UBR4: variants seen among roughly 807,000 people sequenced by gnomAD.
The protein encoded by UBR4 is ubiquitin protein ligase E3 component n-recognin 4, also known as E3 ubiquitin-protein ligase UBR4.
Under a neutral mutation model 575.6 loss-of-function variants are expected in UBR4, and 124 were observed. The observed-to-expected ratio is 0.22, with a 90% confidence interval of 0.19 to 0.25. The LOEUF (loss-of-function observed/expected upper bound fraction) is 0.25. Ranked by LOEUF, UBR4 falls within the 10% of genes least tolerant of loss-of-function variation. The pLI is 1.00. For synonymous variants in UBR4, 2,455 were observed against 2,473.7 expected, an observed-to-expected ratio of 0.99 and a Z score of 0.22; for missense variants, 4,818 against 6,478.8, an observed-to-expected ratio of 0.74 and a Z score of 8.80.
In UBR4 at chr1:19,081,503, C is replaced by G. The variant is rs770422497; in HGVS notation, c.15079G>C (p.Glu5027Gln). 2 of 1,613,974 alleles carry G rather than the reference C, an allele frequency of 1.2e-6. No homozygotes were observed. The highest frequency in any genetic ancestry group is 1.7e-6 in the Non-Finnish European group (2 of 1,180,004). The change falls in exon 103 of 106, where the codon GAG becomes CAG. Residue 5027 changes from glutamate to glutamine, a missense_variant. Transcript: ENST00000375254. ...FLEQPKEKWV[E>Q]SAFEVDGPYY... ...GGCCCGTCCACTTCAAAGGCACTCT[C>G]CACCCACTTCTCCTTGGGCTGTTCC...
chr1:19,190,293 A>AG (rs1491407067), intron 11 of UBR4, among the ~76,000 whole-genome samples: 1 of 80,486 alleles, frequency 1.2e-5, no homozygotes, highest in African/African-American at 6.0e-5. Context: ...ACTCTGCCTC[A>AG]AAAAAAAAAA....
At position 19,126,587 on chromosome 1, in the gene UBR4, C is replaced by T. The variant is rs777828642; in HGVS notation, c.9297G>A (p.Leu3099=). 1 of 1,614,186 alleles carries T rather than the reference C, an allele frequency of 6.2e-7. No individual in the cohort carries two copies. Among genetic ancestry groups the T allele is most frequent in the Non-Finnish European group, 8.5e-7 (1 of 1,180,032 alleles). The change falls in exon 64 of 106, where the codon CTG becomes CTA. Residue 3099 remains leucine, a synonymous_variant. Coordinates refer to ENST00000375254, the MANE Select transcript of UBR4 (RefSeq NM_020765.3). The part of the protein sequence containing the change: ...LLSSGAVDYC[L]HVLKSLLEYW... ...ATTCCAGCAGTGATTTGAGCACGTG[C>T]AGGCAGTAGTCCACAGCCCCAGAGC...
At chr1:19,077,182 C>G (rs1013730742) in intron 104 of UBR4, among the ~76,000 whole-genome samples, 10 of 152,204 alleles carry the variant, frequency 6.6e-5, no homozygotes, top group African/African-American at 2.2e-4. Context: ...TTCGCATTCC[C>G]CAGAGCAAAG....
At chr1:19,132,605 TAAAAAAA>T in intron 60 of UBR4, among the ~76,000 whole-genome samples, 16 of 24,136 alleles carry the variant, frequency 6.6e-4, no homozygotes, top group African/African-American at 3.4e-3. Context: ...TAAAAAATGG[TAAAAAAA>T]AAAAAAAAAA....
intron 99 of UBR4, 86 bp downstream of exon 99, chr1:19,087,730 C>A (rs976231834): frequency 1.8e-6 from 2 of 1,103,746 alleles, no homozygotes; most frequent in Non-Finnish European, 2.7e-6. Context: ...TAGCTAAGAA[C>A]AAAATGGCCT....
At position 19,106,896 on chromosome 1, in the gene UBR4, C is replaced by A. The variant is rs1264973307; in HGVS notation, c.12176G>T (p.Trp4059Leu). 6.2e-7 allele frequency: 1 copy of A among 1,613,598 alleles called. No homozygotes were observed. Among genetic ancestry groups the A allele is most frequent in the Non-Finnish European group, 8.5e-7 (1 of 1,179,998 alleles). ...GGATGCCTTGGGGTCTCTCTTGAGCCACAGTTGAGCCTGGGCATGGATCTC... is the reference window on the plus strand; with the variant it reads ...GGATGCCTTGGGGTCTCTCTTGAGCAACAGTTGAGCCTGGGCATGGATCTC... ...CNEIHAQAQL[W>L]LKRDPKASYD... Residue 4059 changes from tryptophan (W) to leucine (L), a missense_variant, in exon 82 of 106, where the codon TGG becomes TTG. By Grantham distance (61) the Trp-to-Leu change is moderately conservative. Coordinates refer to ENST00000375254, the MANE Select transcript of UBR4 (RefSeq NM_020765.3).
chr1:19,190,312 A>AAAAAAAAAAAAAAAATATATATATAT, intron 11 of UBR4, among the ~76,000 whole-genome samples: 1 of 79,910 alleles, frequency 1.3e-5, no homozygotes, highest in Non-Finnish European at 2.3e-5. Context: ...AAAAAAAAAA[A>AAAAAAAAAAAAAAAATATATATATAT]ATATATATAT....
In UBR4 at chr1:19,106,952, C is replaced by T. The variant is rs754889007; in HGVS notation, c.12120G>A (p.Glu4040=). ...AGTATGGCTTCACCGTGGTGAGGGC[C>T]TCAACGGGGACATCCTGGAGGAGGC... ...TSKKNKDVPV[E]ALTTVKPYCN... is the part of the protein sequence containing the mutation. Residue 4040 remains glutamate, a synonymous_variant, in exon 82 of 106, where the codon GAG becomes GAA. Transcript: ENST00000375254. 6.2e-7 allele frequency: 1 copy of T among 1,612,240 alleles called. No homozygotes were observed. Among genetic ancestry groups the T allele is most frequent in the Admixed American group, 1.7e-5 (1 of 60,002 alleles).
At chr1:19,179,664 G>A (rs1350992760) in intron 17 of UBR4, among the ~76,000 whole-genome samples, 1 of 152,220 alleles carries the variant, frequency 6.6e-6, no homozygotes, top group South Asian at 2.1e-4. Flanking sequence ...GAGATCCGCA[G>A]TATTCGCAGA....
chr1:19,115,406 G>A lies in UBR4; in HGVS notation c.11055C>T (p.His3685=). The A allele has an allele frequency of 1.2e-6, 2 of 1,614,054 alleles. No individual in the cohort carries two copies. The highest frequency in any genetic ancestry group is 1.7e-6 in the Non-Finnish European group (2 of 1,179,954). ...GNCGENVYQC[H]KCRSINYDEK... The stretch of plus-strand genomic sequence containing the variant: ...GATGACCAATGACTTACCTGCATTT[G>A]TGACACTGGTACACATTCTCTCCAC... Residue 3685 remains histidine (H), a synonymous_variant, in exon 74 of 106, where the codon CAC becomes CAT. Transcript: ENST00000375254.
At chr1:19,179,939 T>C (rs1207773804) in intron 17 of UBR4, among the ~76,000 whole-genome samples, 2 of 152,228 alleles carry the variant, frequency 1.3e-5, no homozygotes, top group Admixed American at 1.3e-4. Flanking sequence ...AATTAAATTA[T>C]ATTTTTATAC....
intron 49 of UBR4, chr1:19,149,697 C>T: frequency 8.0e-7 from 1 of 1,246,004 alleles, no homozygotes; most frequent in South Asian, 1.3e-5. Context: ...CAAAGCCACA[C>T]CATTGGTTAC....
In UBR4 at chr1:19,185,187, A is replaced by G; in HGVS notation, c.1850T>C (p.Leu617Pro). ...APPPPPPPPP[L>P]ESSPRVKSPS... ...GCTTTTAACCCGAGGAGAGCTTTCC[A>G]GTGGAGGAGGTGGGGGAGGAGGCGG... The change falls in exon 15 of 106, where the codon CTG becomes CCG. Residue 617 changes from leucine (L) to proline (P), a missense_variant. Leu to Pro is a moderately conservative substitution (Grantham distance 98). Transcript: ENST00000375254. 1.2e-6 allele frequency: 2 copies of G among 1,614,052 alleles called. No homozygotes were observed. The highest frequency in any genetic ancestry group is 8.5e-7 in the Non-Finnish European group (1 of 1,179,988).
intron 17 of UBR4, among the ~76,000 whole-genome samples, chr1:19,180,746 A>G (rs1003291548): frequency 6.6e-6 from 1 of 152,004 alleles, no homozygotes; most frequent in Non-Finnish European, 1.5e-5. Flanking sequence ...TCAGTTTTTC[A>G]GTCCTCAGAG....
intron 94 of UBR4, 79 bp downstream of exon 94, chr1:19,094,827 A>G (rs1427517633): frequency 1.3e-6 from 2 of 1,565,316 alleles, no homozygotes; most frequent in East Asian, 4.5e-5. Flanking sequence ...GCTAAGCCAG[A>G]CACAAACAGG....
intron 37 of UBR4, 63 bp downstream of exon 37, chr1:19,161,526 T>G (rs2087375106): frequency 1.3e-6 from 2 of 1,529,326 alleles, no homozygotes; most frequent in East Asian, 4.5e-5. Context: ...TTTTCCAGTT[T>G]GGCTTCAGTA....
At chr1:19,081,887 C>A in intron 102 of UBR4, 1 of 623,924 alleles carries the variant, frequency 1.6e-6, no homozygotes, top group South Asian at 1.9e-5. Context: ...CGTTCACAAT[C>A]TCCCCAACAT....
chr1:19,109,480 T>C (rs1194149719), intron 81 of UBR4, among the ~76,000 whole-genome samples: 2 of 152,198 alleles, frequency 1.3e-5, no homozygotes, highest in African/African-American at 4.8e-5. Context: ...GAACTGACCC[T>C]CTAAGGAGCA....
intron 58 of UBR4, 28 bp downstream of exon 58, chr1:19,140,759 GA>G (rs1256157346): frequency 1.9e-6 from 3 of 1,602,350 alleles, no homozygotes; most frequent in Non-Finnish European, 2.6e-6. Context: ...CTGGGGCCCT[GA>G]GCCGTGCTCC....
Sources: gnomAD v4.1 joint callset for allele counts (sites outside exome capture counted in the v4.1 genomes callset) on GRCh38, gnomAD v4.1.1 for gene constraint, MANE v1.5 for transcripts, NCBI Gene and HGNC (gene_info 2026-07-23, HGNC 2026-07-21) for gene names.